The following ZFP14 variants were observed in gnomAD, a reference collection of about 807,000 sequenced individuals.
The protein encoded by ZFP14 is ZFP14 zinc finger protein.
In ZFP14, 22 loss-of-function variants were observed where a neutral mutation model predicts 54.5. The observed-to-expected ratio is 0.40, with a 90% CI of 0.29 to 0.58. ZFP14 has a LOEUF of 0.58. Ranked by LOEUF, ZFP14 falls within the 20% of genes least tolerant of loss-of-function variation. The pLI, the probability that ZFP14 is intolerant of heterozygous loss-of-function variation, is 0.39. For missense variants in ZFP14, 470 were observed against 637.8 expected (o/e 0.74, Z 2.83); for synonymous variants, 159 against 204.0 (o/e 0.78, Z 1.88).
intron 2 of ZFP14, among the ~76,000 whole-genome samples, chr19:36,363,350 C>T (rs1468948123): frequency 6.6e-6 from 1 of 151,844 alleles, no homozygotes; most frequent in Non-Finnish European, 1.5e-5. Context: ...TCCGCCACCA[C>T]GCCCGGCTAA....
intron 4 of ZFP14, among the ~76,000 whole-genome samples, chr19:36,351,857 T>C (rs968934298): frequency 5.6e-5 from 8 of 143,036 alleles, no homozygotes; most frequent in African/African-American, 2.1e-4. Flanking sequence ...AGACCTTGTC[T>C]CTAAAAATAA....
At chr19:36,364,657 C>T (rs2031763615) in intron 2 of ZFP14, among the ~76,000 whole-genome samples, 1 of 152,080 alleles carries the variant, frequency 6.6e-6, no homozygotes, top group Admixed American at 6.6e-5. Flanking sequence ...CTACCCAATC[C>T]ACCTAAAAGC....
At chr19:36,343,611 A>G (rs1332922337) in intron 4 of ZFP14, among the ~76,000 whole-genome samples, 5 of 152,230 alleles carry the variant, frequency 3.3e-5, no homozygotes, top group African/African-American at 7.2e-5. Context: ...CTGAAAATGG[A>G]TAATTTATAA....
intron 4 of ZFP14, among the ~76,000 whole-genome samples, chr19:36,352,675 C>T (rs2031546897): frequency 7.0e-6 from 1 of 142,446 alleles, no homozygotes; most frequent in Non-Finnish European, 1.6e-5. Flanking sequence ...GGCGCGGTGG[C>T]TCACACCTGT....
intron 2 of ZFP14, 59 bp from the exon 3 acceptor site, chr19:36,362,297 AAG>A: frequency 6.5e-7 from 1 of 1,535,910 alleles, no homozygotes; most frequent in South Asian, 1.3e-5. Context: ...TTAAAATGGA[AAG>A]AGGGGAGATT....
In ZFP14 at chr19:36,336,982, C is replaced by A. The variant is rs2031212928; in HGVS notation, c.*3242G>T. 1 of 152,152 alleles carries A rather than the reference C, an allele frequency of 6.6e-6. No homozygotes were observed. Among genetic ancestry groups the A allele is most frequent in the Non-Finnish European group, 1.5e-5 (1 of 68,038 alleles). The allele number at this position is 152,152 out of a possible 1,614,324, so 9.4% of individuals were successfully genotyped here. Reference sequence around the variant, plus strand: ...ATTTCTTTTGCTAGAATATTTTAATCCAAATGTGTCTATCTTCATTTCATA... The same window carrying A: ...ATTTCTTTTGCTAGAATATTTTAATACAAATGTGTCTATCTTCATTTCATA... On this transcript the variant is annotated 3_prime_UTR_variant, in exon 5 of 5. Coordinates refer to ENST00000270001, the MANE Select transcript of ZFP14 (RefSeq NM_020917.3).
At chr19:36,352,886 A>G (rs1378957126) in intron 4 of ZFP14, among the ~76,000 whole-genome samples, 1 of 138,150 alleles carries the variant, frequency 7.2e-6, no homozygotes, top group African/African-American at 2.7e-5. Context: ...GCTTGCAGTG[A>G]GCCGAGATCG....
chr19:36,360,234 T>C (rs1728124897), intron 4 of ZFP14: 1 of 369,836 alleles, frequency 2.7e-6, no homozygotes, highest in African/African-American at 2.1e-5. Context: ...GAAACAGTGT[T>C]GCATTCAAGA....
At position 36,349,242 on chromosome 19, in the gene ZFP14, A is replaced by C. The variant is rs1456821246; in HGVS notation, c.236-7652T>G. Among the ~76,000 whole-genome samples the C allele has an allele frequency of 3.2e-4, 26 of 80,964 alleles. 1 individual carries two copies. Among genetic ancestry groups the C allele is most frequent in the Middle Eastern group, 8.1e-3 (1 of 124 alleles). The allele number at this position is 80,964 out of a possible 152,430, so 53.1% of individuals were successfully genotyped here. A position where few individuals can be genotyped will look rare whatever the true frequency, so the allele number is the denominator to read the frequency against. On this transcript the variant is annotated intron_variant, in intron 4 of 4. Coordinates refer to ENST00000270001, the MANE Select transcript of ZFP14 (RefSeq NM_020917.3). ...GGGGAACTCTGTCTCAAAAAAAAAAACAAAAAAAAAAAAACAAAAAAAAAA... is the reference window on the plus strand; with the variant it reads ...GGGGAACTCTGTCTCAAAAAAAAAACCAAAAAAAAAAAAACAAAAAAAAAA...
intron 3 of ZFP14, among the ~76,000 whole-genome samples, chr19:36,361,181 A>G (rs1199693082): frequency 6.6e-6 from 1 of 152,132 alleles, no homozygotes; most frequent in Non-Finnish European, 1.5e-5. Context: ...TTAGATTTTA[A>G]TTTTCAATTA....
Position 36,335,243 on chromosome 19 carries a change from G to C in ZFP14, c.*4981C>G. On this transcript the variant is annotated 3_prime_UTR_variant, in exon 5 of 5. Coordinates refer to ENST00000270001, the MANE Select transcript of ZFP14 (RefSeq NM_020917.3). ...AGAAATCTTTTTTTCAAATACCATCGAGAATTAATATTCCTTGAAGCAAAC... is the reference window on the plus strand; with the variant it reads ...AGAAATCTTTTTTTCAAATACCATCCAGAATTAATATTCCTTGAAGCAAAC... 6.6e-6 allele frequency: 1 copy of C among 152,026 alleles called. No individual in the cohort carries two copies. Among genetic ancestry groups the C allele is most frequent in the Middle Eastern group, 3.2e-3 (1 of 316 alleles). 9.4% of individuals were successfully genotyped at this position (152,026 alleles called of 1,614,324 possible). A position where few individuals can be genotyped will look rare whatever the true frequency, so the allele number is the denominator to read the frequency against.
intron 4 of ZFP14, among the ~76,000 whole-genome samples, chr19:36,347,347 C>A (rs531907477): frequency 1.1e-3 from 171 of 152,280 alleles, no homozygotes; most frequent in African/African-American, 3.9e-3. Flanking sequence ...CAATGGCTCA[C>A]GTCTGTAATC....
chr19:36,361,151 C>T (rs775640493), intron 3 of ZFP14, among the ~76,000 whole-genome samples: 2 of 152,116 alleles, frequency 1.3e-5, no homozygotes, highest in Non-Finnish European at 2.9e-5. Flanking sequence ...GATATTCATT[C>T]AATGTTAAAT....
rs2145537825 is a variant in ZFP14 at position 36,340,257 on chromosome 19, A to C, written c.1569T>G (p.Leu523=). Reference sequence around the variant, plus strand: ...CATTATGAATCTTCTGATGCTGAGTAAGGTGTGAATGCTGTCTAAAGGCCT... The same window carrying C: ...CATTATGAATCTTCTGATGCTGAGTCAGGTGTGAATGCTGTCTAAAGGCCT... ...CKKAFRQHSH[L]TQHQKIHNGI is the part of the protein sequence containing the mutation. Residue 523 remains leucine, a synonymous_variant, in exon 5 of 5, where the codon CTT becomes CTG. Coordinates refer to ENST00000270001, the MANE Select transcript of ZFP14 (RefSeq NM_020917.3). This position sits in a 1 kb window ranked among gnomAD's most constrained non-coding sequence, Gnocchi z 5.4. 4 of 1,595,416 alleles carry C rather than the reference A, an allele frequency of 2.5e-6. No homozygotes were observed. The highest frequency in any genetic ancestry group is 3.4e-6 in the Non-Finnish European group (4 of 1,170,310).
At chr19:36,344,330 C>A (rs1290616502) in intron 4 of ZFP14, among the ~76,000 whole-genome samples, 1 of 152,098 alleles carries the variant, frequency 6.6e-6, no homozygotes, top group Non-Finnish European at 1.5e-5. Flanking sequence ...ATATTTATAA[C>A]ACTTTCTCCA....
chr19:36,340,262 G>T lies in ZFP14; in HGVS notation c.1564C>A (p.His522Asn). Residue 522 changes from histidine (H) to asparagine (N), a missense_variant, in exon 5 of 5, where the codon CAC becomes AAC. Transcript: ENST00000270001. This position sits in a 1 kb window ranked among gnomAD's most constrained non-coding sequence, Gnocchi z 5.4. Reference protein sequence around the residue: ...ECKKAFRQHSHLTQHQKIHNG... With the variant: ...ECKKAFRQHSNLTQHQKIHNG... ...TGAATCTTCTGATGCTGAGTAAGGT[G>T]TGAATGCTGTCTAAAGGCCTTCTTA... is the stretch of plus-strand genomic sequence containing the variant. 1 of 1,607,078 alleles carries T rather than the reference G, an allele frequency of 6.2e-7. No individual in the cohort carries two copies. The highest frequency in any genetic ancestry group is 8.5e-7 in the Non-Finnish European group (1 of 1,176,240).
At chr19:36,373,451 G>A (rs1021239116) in intron 1 of ZFP14, among the ~76,000 whole-genome samples, 2 of 151,858 alleles carry the variant, frequency 1.3e-5, no homozygotes, top group Non-Finnish European at 2.9e-5. Flanking sequence ...TTACATAGGA[G>A]GAATAAGTTC....
intron 4 of ZFP14, among the ~76,000 whole-genome samples, chr19:36,354,315 G>A (rs1434666472): frequency 7.5e-6 from 1 of 133,360 alleles, no homozygotes; most frequent in African/African-American, 2.8e-5. Flanking sequence ...AGATTGCAGT[G>A]AGCTGAGATG....
chr19:36,365,641 T>C (rs1366243851), intron 2 of ZFP14, among the ~76,000 whole-genome samples: 1 of 100,586 alleles, frequency 9.9e-6, no homozygotes, highest in Admixed American at 1.1e-4. Context: ...TTTTCCTGGA[T>C]GTTATTTTTG....
Sources: allele counts gnomAD v4.1 joint callset (sites outside exome capture counted in the v4.1 genomes callset), GRCh38; gene constraint gnomAD v4.1.1; non-coding constraint Gnocchi (gnomAD v3.1); transcripts MANE v1.5; gene names NCBI Gene and HGNC (gene_info 2026-07-23, HGNC 2026-07-21).